The following KCNC2 variants were observed in gnomAD, a reference collection of about 807,000 sequenced individuals.
The protein encoded by KCNC2 is voltage-gated potassium channel KCNC2.
Under a neutral mutation model 44.5 loss-of-function variants are expected in KCNC2, and 21 were observed. That is an observed-to-expected ratio of 0.47 (90% CI 0.33 to 0.68). The LOEUF (loss-of-function observed/expected upper bound fraction) is 0.68. Ranked by LOEUF, KCNC2 falls within the 30% of genes least tolerant of loss-of-function variation. The pLI is 0.01. For synonymous variants in KCNC2, 391 were observed against 339.1 expected, an observed-to-expected ratio of 1.15 and a Z score of -1.68; for missense variants, 589 against 826.2, an observed-to-expected ratio of 0.71 and a Z score of 3.52.
chr12:75,065,922 T>G (rs1340660545), intron 2 of KCNC2, among the ~76,000 whole-genome samples: 1 of 152,166 alleles, frequency 6.6e-6, no homozygotes, highest in East Asian at 1.9e-4. Flanking sequence ...CTTGACTTTC[T>G]TAAGTAAAAT....
intron 2 of KCNC2, among the ~76,000 whole-genome samples, chr12:75,182,827 C>T (rs1031273084): frequency 6.6e-6 from 1 of 152,206 alleles, no homozygotes; most frequent in African/African-American, 2.4e-5. Context: ...AGCCTCACCT[C>T]ACTTCAGTTT....
intron 2 of KCNC2, among the ~76,000 whole-genome samples, chr12:75,089,646 T>A (rs993258064): frequency 3.3e-5 from 5 of 151,896 alleles, no homozygotes; most frequent in Non-Finnish European, 7.4e-5. Context: ...TCCATTTTCT[T>A]TACAAGTGAG....
At chr12:75,151,798 A>T (rs1890413203) in intron 2 of KCNC2, among the ~76,000 whole-genome samples, 1 of 150,994 alleles carries the variant, frequency 6.6e-6, no homozygotes, top group Admixed American at 6.6e-5. Flanking sequence ...ATGAAATTTA[A>T]ATTTATTTTA....
At chr12:75,189,628 C>T (rs149407894) in intron 2 of KCNC2, among the ~76,000 whole-genome samples, 22 of 152,284 alleles carry the variant, frequency 1.4e-4, no homozygotes, top group Non-Finnish European at 2.1e-4. Flanking sequence ...GTGCTAGGCA[C>T]CAGAATTCAT....
chr12:75,128,501 G>A (rs1437332087), intron 2 of KCNC2, among the ~76,000 whole-genome samples: 5 of 152,006 alleles, frequency 3.3e-5, no homozygotes, highest in South Asian at 2.1e-4. Context: ...AAAACAAAAC[G>A]GGTCAAAAAA....
At chr12:75,183,760 C>G (rs1892753549) in intron 2 of KCNC2, among the ~76,000 whole-genome samples, 1 of 152,124 alleles carries the variant, frequency 6.6e-6, no homozygotes, top group Non-Finnish European at 1.5e-5. Context: ...ATCTGTTTTA[C>G]CCTAGAATAT....
Position 75,042,609 on chromosome 12 carries a change from A to T in KCNC2, c.*496T>A. On this transcript the variant is annotated 3_prime_UTR_variant, in exon 5 of 5. Coordinates refer to ENST00000549446, the MANE Select transcript of KCNC2 (RefSeq NM_139137.4). ...AGTACACATATCCTGAGCTATCCAC[A>T]GTCCCCGAACTCTGCAACATTGCTT... 1 of 1,314,246 alleles carries T rather than the reference A, an allele frequency of 7.6e-7. No individual in the cohort carries two copies. The highest frequency in any genetic ancestry group is 3.1e-5 in the East Asian group (1 of 31,966). 81.4% of individuals were successfully genotyped at this position (1,314,246 alleles called of 1,614,324 possible).
intron 2 of KCNC2, among the ~76,000 whole-genome samples, chr12:75,194,771 G>C (rs2030611615): frequency 6.6e-6 from 1 of 152,166 alleles, no homozygotes; most frequent in Non-Finnish European, 1.5e-5. Flanking sequence ...AGCATAGGTA[G>C]TAACAAGATT....
At chr12:75,051,370 T>C (rs1179997564) in intron 2 of KCNC2, 53 bp from the exon 3 acceptor site, 1 of 1,007,980 alleles carries the variant, frequency 9.9e-7, no homozygotes, top group Non-Finnish European at 1.4e-6. Context: ...TCGTAATATA[T>C]GTTGATTCTA....
intron 2 of KCNC2, among the ~76,000 whole-genome samples, chr12:75,190,474 T>C (rs1247460774): frequency 5.3e-5 from 8 of 152,236 alleles, no homozygotes; most frequent in African/African-American, 7.2e-5. Context: ...AGATTTTGTT[T>C]TGGGGTCTTG....
intron 2 of KCNC2, among the ~76,000 whole-genome samples, chr12:75,055,759 G>A (rs183910865): frequency 5.3e-5 from 8 of 152,110 alleles, no homozygotes; most frequent in Admixed American, 3.9e-4. Context: ...GTGACCATGA[G>A]TTGGAAGTCT....
chr12:75,157,928 C>T (rs533485230), intron 2 of KCNC2, among the ~76,000 whole-genome samples: 18 of 151,956 alleles, frequency 1.2e-4, no homozygotes, highest in Admixed American at 3.9e-4. Flanking sequence ...TCTCTTAGAA[C>T]GGTTAAATTA....
chr12:75,041,100 G>A lies in KCNC2; in HGVS notation c.*2005C>T. The A allele has an allele frequency of 6.3e-7, 1 of 1,595,934 alleles. No individual in the cohort carries two copies. Among genetic ancestry groups the A allele is most frequent in the Non-Finnish European group, 8.5e-7 (1 of 1,178,124 alleles). ...TTCCAAGTGCAACCTGGTCACATCA[G>A]GGCACATTCAGCAGCAGAAGTCTGT... is the stretch of plus-strand genomic sequence containing the variant. On this transcript the variant is annotated 3_prime_UTR_variant, in exon 5 of 5. Coordinates refer to ENST00000549446, the MANE Select transcript of KCNC2 (RefSeq NM_139137.4).
chr12:75,188,625 G>T (rs924974097), intron 2 of KCNC2, among the ~76,000 whole-genome samples: 6 of 151,956 alleles, frequency 3.9e-5, no homozygotes. Context: ...ACTTCGGGAG[G>T]CTGAGGCGGG....
intron 2 of KCNC2, among the ~76,000 whole-genome samples, chr12:75,171,346 T>C (rs1048377119): frequency 9.2e-5 from 14 of 151,756 alleles, no homozygotes; most frequent in Admixed American, 3.9e-4. Flanking sequence ...ACAGTAGGAC[T>C]GGGAAGAAAT....
At chr12:75,201,548 C>A (rs950895480) in intron 2 of KCNC2, among the ~76,000 whole-genome samples, 1 of 151,824 alleles carries the variant, frequency 6.6e-6, no homozygotes, top group Non-Finnish European at 1.5e-5. Flanking sequence ...CAAGTTCACA[C>A]AACTAGTGTT....
intron 2 of KCNC2, among the ~76,000 whole-genome samples, chr12:75,107,739 C>CT (rs1886906266): frequency 4.6e-5 from 7 of 152,012 alleles, no homozygotes; most frequent in African/African-American, 1.7e-4. Flanking sequence ...TGAGTAAACT[C>CT]TAAGAGCAAA....
chr12:75,106,089 G>T (rs750902348), intron 2 of KCNC2, among the ~76,000 whole-genome samples: 1 of 151,932 alleles, frequency 6.6e-6, no homozygotes, highest in African/African-American at 2.4e-5. Flanking sequence ...GAAACCAGAC[G>T]GTCTGAAAAA....
chr12:75,146,754 C>A (rs73187107), intron 2 of KCNC2, among the ~76,000 whole-genome samples: 1 of 152,140 alleles, frequency 6.6e-6, no homozygotes, highest in African/African-American at 2.4e-5. Flanking sequence ...CTTCCACCAG[C>A]AGTATATAAG....
Sources: allele counts gnomAD v4.1 joint callset (sites outside exome capture counted in the v4.1 genomes callset), GRCh38; gene constraint gnomAD v4.1.1; transcripts MANE v1.5; gene names NCBI Gene and HGNC (gene_info 2026-07-23, HGNC 2026-07-21).